The following DHX29 variants were observed in gnomAD, a reference collection of about 807,000 sequenced individuals.
The protein encoded by DHX29 is ATP-dependent RNA helicase DHX29.
DHX29 carries 79 observed loss-of-function variants against 167.9 expected under a neutral mutation model. The observed-to-expected ratio is 0.47, with a 90% CI of 0.39 to 0.57. The LOEUF is 0.57. DHX29 is among the 20% of genes least tolerant of loss of function. The probability of loss-of-function intolerance (pLI) is 0.00; values close to 1 mark genes in which losing one functional copy is unlikely to be tolerated. For synonymous variants in DHX29, 530 were observed against 546.0 expected, an observed-to-expected ratio of 0.97 and a Z score of 0.41; for missense variants, 1,347 against 1,593.4, an observed-to-expected ratio of 0.85 and a Z score of 2.63.
Position 55,276,269 on chromosome 5 carries a change from A to G in DHX29, c.2424T>C (p.Tyr808=), listed in dbSNP as rs145226459. ...TTTCAAAATATTTTCTTTTTACCTG[A>G]TATTTTTTTATTCCCCCTGCTTTGC... The part of the protein sequence containing the change: ...VTSKAGGIKK[Y]QEYIPVQTGA... The change falls in exon 14 of 27, where the codon TAT becomes TAC. Residue 808 remains tyrosine, a synonymous_variant. Coordinates refer to ENST00000251636, the MANE Select transcript of DHX29 (RefSeq NM_019030.4). 2,152 of 1,571,636 alleles carry G rather than the reference A, an allele frequency of 1.4e-3. 8 individuals carry two copies. Among genetic ancestry groups the G allele is most frequent in the Admixed American group, 2.2e-3 (105 of 46,748 alleles).
chr5:55,303,553 T>C (rs1748709840), intron 1 of DHX29, among the ~76,000 whole-genome samples: 1 of 152,064 alleles, frequency 6.6e-6, no homozygotes, highest in Non-Finnish European at 1.5e-5. Context: ...CCAGCTAAAG[T>C]TTCTCCTCTA....
chr5:55,274,981 A>G lies in DHX29; in HGVS notation c.2457T>C (p.His819=), dbSNP rs1169508737. The change falls in exon 15 of 27, where the codon CAT becomes CAC. Residue 819 remains histidine, a synonymous_variant. Transcript: ENST00000251636. The part of the protein sequence containing the change: ...QEYIPVQTGA[H]ADLNPFYQKY... ...TTTGGTAAAATGGATTTAAATCAGCATGTGCTCCAGTCTGAACTGGGATGT... is the reference window on the plus strand; with the variant it reads ...TTTGGTAAAATGGATTTAAATCAGCGTGTGCTCCAGTCTGAACTGGGATGT... 5.6e-6 allele frequency: 9 copies of G among 1,613,904 alleles called. No homozygotes were observed. Among genetic ancestry groups the G allele is most frequent in the South Asian group, 2.2e-5 (2 of 91,052 alleles).
chr5:55,300,706 A>C (rs1748555457), intron 1 of DHX29, among the ~76,000 whole-genome samples: 1 of 152,152 alleles, frequency 6.6e-6, no homozygotes, highest in African/African-American at 2.4e-5. Flanking sequence ...AAATAATAAA[A>C]ATAAACCTGT....
intron 21 of DHX29, among the ~76,000 whole-genome samples, chr5:55,268,299 C>G (rs1283870786): frequency 6.6e-6 from 1 of 152,170 alleles, no homozygotes; most frequent in Non-Finnish European, 1.5e-5. Flanking sequence ...TGTAGGTTTT[C>G]AGATAAACTA....
At chr5:55,264,195 A>G (rs570474594) in intron 23 of DHX29, among the ~76,000 whole-genome samples, 1 of 152,316 alleles carries the variant, frequency 6.6e-6, no homozygotes, top group Non-Finnish European at 1.5e-5. Flanking sequence ...GTATCAATAA[A>G]AAAACAAAAA....
rs767952542 is a variant in DHX29, at chr5:55,294,042, A to G, written c.755T>C (p.Leu252Ser). 9 of 1,608,178 alleles carry G rather than the reference A, an allele frequency of 5.6e-6. No homozygotes were observed. The highest frequency in any genetic ancestry group is 7.6e-6 in the Non-Finnish European group (9 of 1,178,198). ...AGGGTCAAATTTTTCCTCCTCTTCT[A>G]AACTTTTAGAATTCTCATTCTTTTC... ...EEEKNENSKS[L>S]EEEEKFDPNE... The change falls in exon 6 of 27, where the codon TTA (leucine) becomes TCA (serine). Residue 252 changes from leucine to serine, a missense_variant. Leu to Ser is a moderately radical substitution (Grantham distance 145). Around this residue, in one of 3 missense-constraint regions of DHX29, gnomAD observed 405 missense variants for 416.8 expected, o/e 0.97. Coordinates refer to ENST00000251636, the MANE Select transcript of DHX29 (RefSeq NM_019030.4).
intron 20 of DHX29, 142 bp downstream of exon 20, chr5:55,270,265 TTATAA>T: frequency 1.1e-6 from 1 of 907,372 alleles, no homozygotes; most frequent in Non-Finnish European, 1.6e-6. Flanking sequence ...GTGGATTTAC[TTATAA>T]TAAGATGGAT....
intron 8 of DHX29, 125 bp from the exon 9 acceptor site, chr5:55,285,986 G>A (rs1406135394): frequency 3.0e-6 from 2 of 676,674 alleles, no homozygotes; most frequent in Non-Finnish European, 4.5e-6. Context: ...CAGGTGCAGT[G>A]GCTCATGCCT....
At chr5:55,292,575 A>ATCTG (rs928792746) in intron 6 of DHX29, among the ~76,000 whole-genome samples, 9 of 152,066 alleles carry the variant, frequency 5.9e-5, no homozygotes, top group African/African-American at 1.9e-4. Context: ...CTGCCCCTAA[A>ATCTG]TCTGTAGTGG....
intron 23 of DHX29, among the ~76,000 whole-genome samples, chr5:55,266,354 G>A (rs1355624122): frequency 6.8e-6 from 1 of 147,310 alleles, no homozygotes; most frequent in Non-Finnish European, 1.5e-5. Context: ...TTGTTGCCCA[G>A]GCTGGAGTAC....
intron 23 of DHX29, among the ~76,000 whole-genome samples, chr5:55,265,813 A>G (rs1746529901): frequency 6.6e-6 from 1 of 152,160 alleles, no homozygotes; most frequent in Non-Finnish European, 1.5e-5. Context: ...TTCAAAATCT[A>G]GGGGGCAGAT....
At chr5:55,288,445 A>G (rs988631106) in intron 8 of DHX29, among the ~76,000 whole-genome samples, 15 of 151,132 alleles carry the variant, frequency 9.9e-5, no homozygotes, top group African/African-American at 3.2e-4. Context: ...ACTATTTACT[A>G]TATACTATTA....
At chr5:55,290,826 C>G (rs1340349374) in intron 6 of DHX29, among the ~76,000 whole-genome samples, 1 of 152,070 alleles carries the variant, frequency 6.6e-6, no homozygotes, top group African/African-American at 2.4e-5. Context: ...ACCAGCCTGG[C>G]CAACATGGTA....
At position 55,270,579 on chromosome 5, in the gene DHX29, T is replaced by C. The variant is rs1746804077; in HGVS notation, c.2992A>G (p.Arg998Gly). Residue 998 changes from arginine (R) to glycine (G), a missense_variant and splice_region_variant, in exon 19 of 27, where the codon AGA becomes GGA. Physicochemically the swap from Arg to Gly is moderately radical, Grantham distance 125. Coordinates refer to ENST00000251636, the MANE Select transcript of DHX29 (RefSeq NM_019030.4). ...TACATTTCCAGTGCTATGCCATACC[T>C]TTCTCTTGTGTACATTCGGAAACAG... The part of the protein sequence containing the change: ...GFCFRMYTRE[R>G]FEGFMDYSVP... 1.2e-6 allele frequency: 2 copies of C among 1,614,040 alleles called. No individual in the cohort carries two copies. Among genetic ancestry groups the C allele is most frequent in the Admixed American group, 3.3e-5 (2 of 59,994 alleles).
At chr5:55,272,741 G>A (rs1746914187) in intron 17 of DHX29, among the ~76,000 whole-genome samples, 2 of 151,854 alleles carry the variant, frequency 1.3e-5, no homozygotes, top group Admixed American at 1.3e-4. Context: ...TTTGAAACTC[G>A]GTCTCAAAAC....
chr5:55,256,588 A>G lies in DHX29; in HGVS notation c.4058-48T>C, dbSNP rs76296338. On this transcript the variant is annotated intron_variant, in intron 26 of 26. Coordinates refer to ENST00000251636, the MANE Select transcript of DHX29 (RefSeq NM_019030.4). ...GCCACGAATAAATGCAACATTGTCTAATTTTCCAAGGTATGCACATGTAAA... is the reference window on the plus strand; with the variant it reads ...GCCACGAATAAATGCAACATTGTCTGATTTTCCAAGGTATGCACATGTAAA... The G allele has an allele frequency of 1.8e-3, 2,798 of 1,556,000 alleles. 42 individuals carry two copies. In the African/African-American group the frequency reaches 0.035, roughly 20 times the overall value.
intron 14 of DHX29, among the ~76,000 whole-genome samples, chr5:55,275,775 G>A (rs12189280): frequency 9.9e-5 from 14 of 140,962 alleles, no homozygotes; most frequent in African/African-American, 2.2e-4. Flanking sequence ...GTATGTATGT[G>A]TGTGTGTCTG....
chr5:55,285,252 G>A, intron 10 of DHX29, 41 bp downstream of exon 10: 3 of 1,596,820 alleles, frequency 1.9e-6, no homozygotes, highest in Non-Finnish European at 2.6e-6. Flanking sequence ...ATTAAATACT[G>A]CCTTCCACAT....
chr5:55,261,348 A>T lies in DHX29; in HGVS notation c.3960+20T>A. The T allele has an allele frequency of 2.8e-6, 4 of 1,434,538 alleles. No homozygotes were observed. The highest frequency in any genetic ancestry group is 3.8e-6 in the Non-Finnish European group (4 of 1,051,330). The allele number at this position is 1,434,538 out of a possible 1,614,324, so 88.9% of individuals were successfully genotyped here. On this transcript the variant is annotated intron_variant, in intron 25 of 26. Coordinates refer to ENST00000251636, the MANE Select transcript of DHX29 (RefSeq NM_019030.4). ...AGTTGAAAATTTTTAATAATCAATA[A>T]AATCAGTTGTACTATGTACCTGAAA...
Sources: gnomAD v4.1 joint callset for allele counts (sites outside exome capture counted in the v4.1 genomes callset) on GRCh38, gnomAD v4.1.1 for gene constraint, gnomAD v4.1.1 regional missense constraint, MANE v1.5 for transcripts, NCBI Gene and HGNC (gene_info 2026-07-23, HGNC 2026-07-21) for gene names.